Variants in SYT12 observed in about 807,000 individuals in gnomAD.
SYT12 encodes the protein synaptotagmin 12.
In SYT12, 27 loss-of-function variants were observed where a neutral mutation model predicts 39.5. The ratio of observed to expected loss-of-function variants is 0.68; its 90% CI spans 0.50 to 0.94. SYT12 has a LOEUF of 0.94. Ranked by LOEUF, SYT12 falls within the 40% of genes least tolerant of loss-of-function variation. The probability of loss-of-function intolerance (pLI) is 0.00; values close to 1 mark genes in which losing one functional copy is unlikely to be tolerated. For missense variants in SYT12, 536 were observed against 572.6 expected (o/e 0.94, Z 0.65); for synonymous variants, 233 against 239.7 (o/e 0.97, Z 0.26).
At position 67,050,540 on chromosome 11, in the gene SYT12, A is replaced by C. The variant is rs999240385; in HGVS notation, c.*1783A>C. On this transcript the variant is annotated 3_prime_UTR_variant, in exon 8 of 8. Coordinates refer to ENST00000527043, the MANE Select transcript of SYT12 (RefSeq NM_177963.4). ...ACAGCCATGGCCCAGCCCCAAGGCC[A>C]GGCTGTCTACCCTATGGCCACAGCA... 2.6e-5 allele frequency: 4 copies of C among 152,442 alleles called. No homozygotes were observed. Among genetic ancestry groups the C allele is most frequent in the Non-Finnish European group, 4.4e-5 (3 of 68,208 alleles). 9.4% of individuals were successfully genotyped at this position (152,442 alleles called of 1,614,324 possible).
intron 7 of SYT12, among the ~76,000 whole-genome samples, chr11:67,048,326 C>T (rs535353360): frequency 6.6e-6 from 1 of 151,138 alleles, no homozygotes; most frequent in East Asian, 2.0e-4. Flanking sequence ...TGAAACCTGG[C>T]AGGCAGGTGC....
chr11:67,034,804 A>G lies in SYT12; in HGVS notation c.194A>G (p.Lys65Arg), dbSNP rs1166512947. 6.3e-7 allele frequency: 1 copy of G among 1,587,928 alleles called. No homozygotes were observed. The highest frequency in any genetic ancestry group is 1.4e-5 in the African/African-American group (1 of 73,128). Residue 65 changes from lysine (K) to arginine (R), a missense_variant, in exon 3 of 8, where the codon AAG becomes AGG. By Grantham distance (26) the Lys-to-Arg change is conservative. Transcript: ENST00000527043. ...PNYDYRYLQQ[K>R]YGESCAEARE... Reference sequence around the variant, plus strand: ...TACGACTACAGGTACCTTCAGCAGAAGTACGGCGAGAGCTGCGCAGAGGCC... The same window carrying G: ...TACGACTACAGGTACCTTCAGCAGAGGTACGGCGAGAGCTGCGCAGAGGCC...
rs746892917 is a variant in SYT12, at chr11:67,043,893, C to T, written c.837+40C>T. On this transcript the variant is annotated intron_variant, in intron 5 of 7. Coordinates refer to ENST00000527043, the MANE Select transcript of SYT12 (RefSeq NM_177963.4). ...TGCTCGTCCACCTCGGAAGAGCGTG[C>T]ACACACATACACTTCCAGGAAGGGA... 7.0e-6 allele frequency: 11 copies of T among 1,566,354 alleles called. 1 individual carries two copies. The South Asian group carries it at 1.1e-4, about 16-fold the overall frequency.
upstream of SYT12, among the ~76,000 whole-genome samples, chr11:67,021,383 C>G (rs530129717): frequency 2.6e-4 from 40 of 151,798 alleles, no homozygotes; most frequent in Admixed American, 1.8e-3. Flanking sequence ...AATCTCGGCT[C>G]ACTGCAGCCT....
intron 3 of SYT12, among the ~76,000 whole-genome samples, 164 bp downstream of exon 3, chr11:67,035,002 C>CTTTTT (rs11316433): frequency 3.6e-5 from 4 of 112,090 alleles, no homozygotes; most frequent in Non-Finnish European, 7.0e-5. Flanking sequence ...ACATCTTCAA[C>CTTTTT]TTTTTTTTTT....
chr11:67,012,236 T>C (rs1317482303), intron 3 of SYT12, among the ~76,000 whole-genome samples: 1 of 151,730 alleles, frequency 6.6e-6, no homozygotes, highest in Non-Finnish European at 1.5e-5. Context: ...CCAGGCGTGG[T>C]GGTGTGTGCC....
chr11:67,048,268 CAA>C (rs562190914), intron 7 of SYT12, among the ~76,000 whole-genome samples: 31 of 82,776 alleles, frequency 3.7e-4, no homozygotes, highest in Admixed American at 9.7e-4. Context: ...GAGACTGTCT[CAA>C]AAAAAAAAAA....
intron 3 of SYT12, among the ~76,000 whole-genome samples, chr11:67,015,469 G>C (rs1165015423): frequency 1.3e-5 from 2 of 151,606 alleles, no homozygotes; most frequent in Non-Finnish European, 2.9e-5. Context: ...TGGAGGCGGT[G>C]GTGGGGGGTT....
Position 67,034,753 on chromosome 11 carries a change from TC to T in SYT12, c.147del (p.Ser50AlafsTer66). 6.2e-7 allele frequency: 1 copy of T among 1,603,174 alleles called. No homozygotes were observed. The highest frequency in any genetic ancestry group is 1.1e-5 in the South Asian group (1 of 89,296). On this transcript the variant is annotated frameshift_variant, in exon 3 of 8. Coordinates refer to ENST00000527043, the MANE Select transcript of SYT12 (RefSeq NM_177963.4). LOFTEE classifies it high-confidence loss of function. The stretch of plus-strand genomic sequence containing the variant: ...TGGAAGCTCTGGACGTCGGGGAGCT[TC>T]CCCAGCCCCTCTCCGTTCCCCAATT... The part of the protein sequence containing the change: ...SLWKLWTSGS[F>X]PSPSPFPNYD...
intron 3 of SYT12, 96 bp from the exon 4 acceptor site, chr11:67,039,715 C>T (rs1160361173): frequency 4.9e-6 from 7 of 1,424,524 alleles, no homozygotes; most frequent in South Asian, 1.4e-5. Flanking sequence ...CTTGGAGATT[C>T]GAGAATGAAC....
chr11:67,009,145 G>A (rs922229224), intron 1 of SYT12, among the ~76,000 whole-genome samples: 2 of 151,852 alleles, frequency 1.3e-5, no homozygotes, highest in South Asian at 2.1e-4. Flanking sequence ...AGCTGAGACC[G>A]CAGGCATGTG....
intron 2 of SYT12, chr11:67,010,207 GA>G (rs941683236): frequency 1.3e-5 from 2 of 152,260 alleles, no homozygotes; most frequent in Non-Finnish European, 2.9e-5. Context: ...TCCCAGGCTA[GA>G]AAAAGACAGA....
chr11:67,012,376 A>G (rs535680841), intron 3 of SYT12, among the ~76,000 whole-genome samples: 5 of 152,114 alleles, frequency 3.3e-5, no homozygotes, highest in Admixed American at 2.0e-4. Flanking sequence ...ATCTCAAAAA[A>G]TTTTTAAAAA....
chr11:67,045,237 G>A (rs1950593638), intron 6 of SYT12, among the ~76,000 whole-genome samples: 1 of 151,646 alleles, frequency 6.6e-6, no homozygotes, highest in Non-Finnish European at 1.5e-5. Flanking sequence ...CTGAAGACCA[G>A]GGGCTGGGGG....
At chr11:67,023,997 C>G (rs1950147726) in intron 1 of SYT12, among the ~76,000 whole-genome samples, 1 of 152,072 alleles carries the variant, frequency 6.6e-6, no homozygotes, top group Admixed American at 6.6e-5. Flanking sequence ...GGGGGGCTTT[C>G]CAGAGCTTAG....
chr11:67,045,948 T>G, intron 7 of SYT12, 71 bp downstream of exon 7: 2 of 1,591,480 alleles, frequency 1.3e-6, no homozygotes, highest in Non-Finnish European at 1.7e-6. Flanking sequence ...TCTCTCCACC[T>G]TCTCTTCTCA....
chr11:67,048,143 A>C (rs12788732), intron 7 of SYT12, among the ~76,000 whole-genome samples: 5,624 of 150,150 alleles, frequency 0.037, 351 homozygotes, highest in African/African-American at 0.13. Context: ...TGGTGGCAGG[A>C]GCCTGTAATC....
intron 7 of SYT12, among the ~76,000 whole-genome samples, chr11:67,046,256 G>A (rs1383360344): frequency 6.6e-6 from 1 of 152,268 alleles, no homozygotes; most frequent in East Asian, 1.9e-4. Context: ...AATCTCCCAA[G>A]CTCCATTTCA....
chr11:67,045,950 C>T (rs1197328018), intron 7 of SYT12, 73 bp downstream of exon 7: 2 of 1,587,726 alleles, frequency 1.3e-6, no homozygotes, highest in African/African-American at 1.4e-5. Flanking sequence ...TCTCCACCTT[C>T]TCTTCTCAGG....
Sources: gnomAD v4.1 joint callset for allele counts (sites outside exome capture counted in the v4.1 genomes callset) on GRCh38, gnomAD v4.1.1 for gene constraint, MANE v1.5 for transcripts, NCBI Gene and HGNC (gene_info 2026-07-23, HGNC 2026-07-21) for gene names.